DLGAP2: variants seen among roughly 807,000 people sequenced by gnomAD.
DLGAP2 encodes the protein DLG associated protein 2, also known as disks large-associated protein 2.
A neutral mutation model predicts 100.3 loss-of-function variants in DLGAP2; 26 were observed. The ratio of observed to expected loss-of-function variants is 0.26; its 90% CI spans 0.19 to 0.36. The LOEUF is 0.36. Ranked by LOEUF, DLGAP2 falls within the 10% of genes least tolerant of loss-of-function variation. The pLI is 1.00. For missense variants in DLGAP2, 1,858 were observed against 1,453.2 expected, an observed-to-expected ratio of 1.28 and a Z score of -4.53; for synonymous variants, 886 against 630.1, an observed-to-expected ratio of 1.41 and a Z score of -6.08.
chr8:1,441,771 C>G (rs1313673080), intron 3 of DLGAP2, among the ~76,000 whole-genome samples: 2 of 147,090 alleles, frequency 1.4e-5, no homozygotes, highest in African/African-American at 5.0e-5. Context: ...AGTGGGCTTT[C>G]AACAGCTTGA....
At chr8:1,344,198 G>A (rs5028022) in intron 3 of DLGAP2, among the ~76,000 whole-genome samples, 47,540 of 119,440 alleles carry the variant, frequency 0.4, 10,868 homozygotes, top group East Asian at 0.6. Context: ...CCGTGTACTC[G>A]GGGCCCTGTC....
At chr8:1,545,685 T>A (rs2130503842) in intron 4 of DLGAP2, among the ~76,000 whole-genome samples, 1 of 152,372 alleles carries the variant, frequency 6.6e-6, no homozygotes, top group South Asian at 2.1e-4. Context: ...TTGTCATTAT[T>A]GTGATAATAT....
chr8:1,081,328 A>G (rs370656202), intron 2 of DLGAP2, among the ~76,000 whole-genome samples: 1 of 152,242 alleles, frequency 6.6e-6, no homozygotes, highest in Non-Finnish European at 1.5e-5. Flanking sequence ...TTTCTGGTTA[A>G]TAATAAGATA....
intron 5 of DLGAP2, among the ~76,000 whole-genome samples, chr8:1,558,808 AACAC>A (rs1256683823): frequency 7.7e-6 from 1 of 129,180 alleles, no homozygotes; most frequent in East Asian, 2.4e-4. Flanking sequence ...TACACACATA[AACAC>A]ACATACGCAC....
chr8:1,362,360 G>A (rs970407945), intron 3 of DLGAP2, among the ~76,000 whole-genome samples: 12 of 152,122 alleles, frequency 7.9e-5, no homozygotes, highest in Non-Finnish European at 2.9e-5. Context: ...CCTCAGGTAG[G>A]TTGCCCCTTC....
intron 3 of DLGAP2, among the ~76,000 whole-genome samples, chr8:1,317,505 T>C (rs376234520): frequency 0.052 from 3,290 of 62,802 alleles, 56 homozygotes; most frequent in Middle Eastern, 0.098. Context: ...TCGAGACACT[T>C]GGCAGCGTTT....
intron 2 of DLGAP2, among the ~76,000 whole-genome samples, chr8:988,007 C>A (rs1307789888): frequency 6.6e-6 from 1 of 152,188 alleles, no homozygotes; most frequent in East Asian, 1.9e-4. Flanking sequence ...GATGTAGCTT[C>A]TAGCACCATT....
At chr8:1,591,428 G>A (rs758578484) in intron 6 of DLGAP2, among the ~76,000 whole-genome samples, 5 of 152,130 alleles carry the variant, frequency 3.3e-5, no homozygotes, top group Non-Finnish European at 5.9e-5. Flanking sequence ...ACTGGACGTT[G>A]GACTGGGCAT....
At chr8:1,257,523 G>A (rs55973720) in intron 2 of DLGAP2, among the ~76,000 whole-genome samples, 5 of 58,070 alleles carry the variant, frequency 8.6e-5, no homozygotes, top group Non-Finnish European at 2.1e-4. Flanking sequence ...GTCTGTGCTC[G>A]CTCCCCAGAT....
intron 2 of DLGAP2, among the ~76,000 whole-genome samples, chr8:1,098,552 C>G (rs957747357): frequency 4.0e-5 from 6 of 151,878 alleles, no homozygotes; most frequent in Non-Finnish European, 7.4e-5. Flanking sequence ...CGGGCTGGCC[C>G]CACCCTGCGA....
chr8:1,387,245 T>G (rs1288925372), intron 3 of DLGAP2, among the ~76,000 whole-genome samples: 1 of 152,268 alleles, frequency 6.6e-6, no homozygotes, highest in Non-Finnish European at 1.5e-5. Flanking sequence ...GAGGCAGGTC[T>G]GCTGATTTTC....
intron 2 of DLGAP2, among the ~76,000 whole-genome samples, chr8:1,179,094 A>G (rs995873361): frequency 4.6e-5 from 7 of 152,262 alleles, no homozygotes; most frequent in East Asian, 1.9e-4. Context: ...AGAAGCATCA[A>G]GTGACTTTTC....
intron 2 of DLGAP2, among the ~76,000 whole-genome samples, chr8:918,765 C>T (rs993101314): frequency 3.3e-5 from 5 of 152,146 alleles, no homozygotes; most frequent in African/African-American, 7.2e-5. Context: ...CATAGAGGCA[C>T]GTAGACATAT....
intron 3 of DLGAP2, among the ~76,000 whole-genome samples, chr8:1,355,171 C>T (rs1047527410): frequency 1.3e-5 from 2 of 152,230 alleles, no homozygotes; most frequent in Non-Finnish European, 2.9e-5. Context: ...ACCGTGAAAG[C>T]GGTGACACTG....
At chr8:1,078,146 C>A (rs938822382) in intron 2 of DLGAP2, among the ~76,000 whole-genome samples, 1 of 152,174 alleles carries the variant, frequency 6.6e-6, no homozygotes, top group African/African-American at 2.4e-5. Context: ...GCTCCCTCAA[C>A]ACGCTGGCCC....
intron 3 of DLGAP2, among the ~76,000 whole-genome samples, chr8:1,460,144 C>T (rs1798432808): frequency 6.6e-6 from 1 of 152,310 alleles, no homozygotes; most frequent in Admixed American, 6.5e-5. Context: ...GGGCTTCTGT[C>T]CACACCATGC....
chr8:1,223,066 A>C (rs1798347585), intron 2 of DLGAP2, among the ~76,000 whole-genome samples: 7 of 152,134 alleles, frequency 4.6e-5, no homozygotes, highest in Admixed American at 4.6e-4. Context: ...CTGCCAGCTC[A>C]GAGGTCTGTG....
intron 6 of DLGAP2, among the ~76,000 whole-genome samples, chr8:1,576,950 C>G (rs1803004913): frequency 1.3e-5 from 2 of 152,250 alleles, no homozygotes; most frequent in African/African-American, 4.8e-5. Flanking sequence ...AAAAAAGAGC[C>G]CACATCGCCA....
chr8:1,311,922 A>G (rs887862705), intron 3 of DLGAP2, among the ~76,000 whole-genome samples: 4 of 152,236 alleles, frequency 2.6e-5, no homozygotes, highest in Non-Finnish European at 1.5e-5. Flanking sequence ...TACAACTGCC[A>G]GGAGGAATAG....
Sources: gnomAD v4.1 joint callset for allele counts (sites outside exome capture counted in the v4.1 genomes callset) on GRCh38, gnomAD v4.1.1 for gene constraint, MANE v1.5 for transcripts, NCBI Gene and HGNC (gene_info 2026-07-23, HGNC 2026-07-21) for gene names.